Variants in IQCJ observed in about 807,000 individuals in gnomAD.
IQCJ encodes IQ domain-containing protein J.
Under a neutral mutation model 11.0 loss-of-function variants are expected in IQCJ, and 9 were observed. The observed-to-expected ratio is 0.82, with a 90% CI of 0.49 to 1.43. The LOEUF (loss-of-function observed/expected upper bound fraction) is 1.43, where lower values mean the gene tolerates loss of function less well. Ranked by LOEUF, IQCJ falls within the 40% of genes most tolerant of loss-of-function variation. IQCJ has a pLI of 0.00. For synonymous variants in IQCJ, 55 were observed against 51.3 expected, an observed-to-expected ratio of 1.07 and a Z score of -0.31; for missense variants, 146 against 133.2, an observed-to-expected ratio of 1.10 and a Z score of -0.47.
At chr3:159,221,373 T>G (rs1018767775) in intron 1 of IQCJ, among the ~76,000 whole-genome samples, 25 of 152,132 alleles carry the variant, frequency 1.6e-4, no homozygotes, top group African/African-American at 5.8e-4. Flanking sequence ...CACAGATGCT[T>G]CATATGAGAC....
At chr3:159,186,186 G>C (rs1221638131) in intron 1 of IQCJ, among the ~76,000 whole-genome samples, 1 of 152,136 alleles carries the variant, frequency 6.6e-6, no homozygotes. Context: ...GGTATGGGGT[G>C]AGTCTGATTG....
chr3:159,221,113 A>G (rs564315545), intron 1 of IQCJ, among the ~76,000 whole-genome samples: 3 of 152,270 alleles, frequency 2.0e-5, no homozygotes, highest in South Asian at 2.1e-4. Context: ...GTTTTGTTTT[A>G]CTTTCTTTCC....
At chr3:159,082,360 T>G (rs79337348) in intron 1 of IQCJ, among the ~76,000 whole-genome samples, 1 of 151,938 alleles carries the variant, frequency 6.6e-6, no homozygotes, top group South Asian at 2.1e-4. Context: ...TTTTTTTTTT[T>G]GTTAGCCCTA....
At chr3:159,266,158 A>T (rs774658270), downstream of IQCJ, 3 of 152,242 alleles carry the variant, frequency 2.0e-5, no homozygotes, top group Non-Finnish European at 4.4e-5. Context: ...ACAGGTGATG[A>T]AAAAGAGACT....
At chr3:159,196,341 T>A (rs916556695) in intron 1 of IQCJ, among the ~76,000 whole-genome samples, 1 of 152,248 alleles carries the variant, frequency 6.6e-6, no homozygotes, top group African/African-American at 2.4e-5. Context: ...GAGCCCATTT[T>A]AAAATAAGAA....
At chr3:159,087,371 A>C (rs908991213) in intron 1 of IQCJ, among the ~76,000 whole-genome samples, 11 of 147,446 alleles carry the variant, frequency 7.5e-5, no homozygotes, top group Admixed American at 6.2e-4. Context: ...ATATTGGTCT[A>C]AAATTCTCTT....
intron 1 of IQCJ, among the ~76,000 whole-genome samples, chr3:159,124,994 A>T (rs1719593332): frequency 6.6e-6 from 1 of 152,206 alleles, no homozygotes; most frequent in Non-Finnish European, 1.5e-5. Flanking sequence ...GTTAAGGCAC[A>T]AAAAAGCAAG....
intron 1 of IQCJ, among the ~76,000 whole-genome samples, chr3:159,109,533 A>AAAAAAAC (rs899885614): frequency 3.3e-5 from 5 of 151,244 alleles, no homozygotes; most frequent in Non-Finnish European, 5.9e-5. Flanking sequence ...TAACTAAAAA[A>AAAAAAAC]AAAAAAAAAA....
intron 2 of IQCJ, 90 bp downstream of exon 2, chr3:159,245,997 T>A: frequency 9.9e-7 from 1 of 1,009,092 alleles, no homozygotes; most frequent in Non-Finnish European, 1.5e-6. Flanking sequence ...GTAAGTAAAT[T>A]GGACAGTTTC....
At chr3:159,084,049 A>G (rs905338032) in intron 1 of IQCJ, among the ~76,000 whole-genome samples, 2 of 152,124 alleles carry the variant, frequency 1.3e-5, no homozygotes, top group African/African-American at 4.8e-5. Context: ...CCACACGCAC[A>G]CATATACAGT....
intron 1 of IQCJ, among the ~76,000 whole-genome samples, chr3:159,213,588 A>G (rs1488645984): frequency 6.6e-6 from 1 of 152,190 alleles, no homozygotes; most frequent in Non-Finnish European, 1.5e-5. Flanking sequence ...TATTGGTATG[A>G]GAAATTTTTA....
At chr3:159,093,415 G>A (rs149937140) in intron 1 of IQCJ, among the ~76,000 whole-genome samples, 4 of 151,916 alleles carry the variant, frequency 2.6e-5, no homozygotes, top group African/African-American at 9.7e-5. Context: ...GATATTCTCT[G>A]TATAAAGGTT....
intron 1 of IQCJ, among the ~76,000 whole-genome samples, chr3:159,102,433 A>G (rs1253559446): frequency 6.6e-6 from 1 of 152,218 alleles, no homozygotes; most frequent in Non-Finnish European, 1.5e-5. Context: ...ATGAATAGCA[A>G]CTAATATCTG....
At position 159,219,452 on chromosome 3, in the gene IQCJ, T is replaced by C. The variant is rs139726861; in HGVS notation, c.10-26391T>C. 3.2e-4 allele frequency among the ~76,000 whole-genome samples: 49 copies of C among 152,294 alleles called. 1 individual carries two copies. In the East Asian group the frequency reaches 9.5e-3, roughly 29 times the overall value. ...TTCTCTATATGGGGATACTTTAGCGTCCACTCTGTGTACTGGCCTGTGGTC... is the reference window on the plus strand; with the variant it reads ...TTCTCTATATGGGGATACTTTAGCGCCCACTCTGTGTACTGGCCTGTGGTC... On this transcript the variant is annotated intron_variant, in intron 1 of 3. Coordinates refer to ENST00000397832, the MANE Select transcript of IQCJ (RefSeq NM_001042706.3).
At chr3:159,156,296 T>C (rs1364201517) in intron 1 of IQCJ, among the ~76,000 whole-genome samples, 1 of 152,086 alleles carries the variant, frequency 6.6e-6, no homozygotes, top group Non-Finnish European at 1.5e-5. Flanking sequence ...TAAAATACAG[T>C]GTGAAGAAGC....
At chr3:159,124,751 G>A (rs1464731157) in intron 1 of IQCJ, among the ~76,000 whole-genome samples, 1 of 152,158 alleles carries the variant, frequency 6.6e-6, no homozygotes, top group African/African-American at 2.4e-5. Flanking sequence ...CATCTGGCAT[G>A]GAGTAGATGC....
chr3:159,155,192 C>G (rs891537806), intron 1 of IQCJ, among the ~76,000 whole-genome samples: 1 of 152,134 alleles, frequency 6.6e-6, no homozygotes, highest in African/African-American at 2.4e-5. Flanking sequence ...GAGTTTTGCT[C>G]TGTCACCAAG....
In IQCJ at chr3:159,253,167, TCA is replaced by T. The variant is rs149334599; in HGVS notation, c.155+374_155+375del. 2.4e-4 allele frequency among the ~76,000 whole-genome samples: 36 copies of T among 151,776 alleles called. No homozygotes were observed. In the South Asian group the frequency reaches 6.7e-3, roughly 28 times the overall value. ...ATTTCCACCTCAAGCCATCTATGTA[TCA>T]CACACACACACACCCTTTTAAAAAT... On this transcript the variant is annotated intron_variant, in intron 3 of 3. Coordinates refer to ENST00000397832, the MANE Select transcript of IQCJ (RefSeq NM_001042706.3).
At chr3:159,245,601 A>G (rs2108195462) in intron 1 of IQCJ, among the ~76,000 whole-genome samples, 1 of 151,810 alleles carries the variant, frequency 6.6e-6, no homozygotes, top group Non-Finnish European at 1.5e-5. Flanking sequence ...AGCTGGGACT[A>G]CAGGCACCTG....
Sources: gnomAD v4.1 joint callset for allele counts (sites outside exome capture counted in the v4.1 genomes callset) on GRCh38, gnomAD v4.1.1 for gene constraint, MANE v1.5 for transcripts, NCBI Gene and HGNC (gene_info 2026-07-23, HGNC 2026-07-21) for gene names.